The following PPEF2 variants were observed in gnomAD, a reference collection of about 807,000 sequenced individuals.
PPEF2 encodes serine/threonine-protein phosphatase with EF-hands 2.
PPEF2 carries 84 observed loss-of-function variants against 84.7 expected under a neutral mutation model. That is an observed-to-expected ratio of 0.99 (90% CI 0.83 to 1.19). The LOEUF is 1.19. PPEF2 is among the 50% of genes most tolerant of loss of function. PPEF2 has a pLI of 0.00. For synonymous variants in PPEF2, 346 were observed against 345.2 expected (o/e 1.00, Z -0.03); for missense variants, 924 against 937.5 (o/e 0.99, Z 0.19).
At chr4:75,874,971 G>A (rs541291518) in intron 11 of PPEF2, among the ~76,000 whole-genome samples, 2 of 149,038 alleles carry the variant, frequency 1.3e-5, no homozygotes, top group Non-Finnish European at 1.5e-5. Flanking sequence ...GCACGATCTC[G>A]GCTCACTGCA....
chr4:75,873,129 T>C lies in PPEF2; in HGVS notation c.1504A>G (p.Lys502Glu), dbSNP rs1412457687. ...ACTGCTGCAGAGGGAGCACCCACCT[T>C]GCGGTTGTGACAGAATTCATAGCCT... is the stretch of plus-strand genomic sequence containing the variant. ...PEGYEFCHNRKVLTIFSASNY... is the reference protein window; with the variant it reads ...PEGYEFCHNREVLTIFSASNY... Residue 502 changes from lysine to glutamate, a missense_variant and splice_region_variant, in exon 12 of 17, where the codon AAG (lysine) becomes GAG (glutamate). Physicochemically the swap from Lys to Glu is moderately conservative, Grantham distance 56. Transcript: ENST00000286719. 6.2e-7 allele frequency: 1 copy of C among 1,612,890 alleles called. No individual in the cohort carries two copies.
chr4:75,873,165 A>G lies in PPEF2; in HGVS notation c.1468T>C (p.Cys490Arg). ...CAGAATTCATAGCCTTCAGGTTTGC[A>G]TTCATGTGAACGGATCAGGAATTGC... ...NMQFLIRSHE[C>R]KPEGYEFCHN... Residue 490 changes from cysteine to arginine, a missense_variant, in exon 12 of 17, where the codon TGC (cysteine) becomes CGC (arginine). Cys to Arg is a radical substitution (Grantham distance 180). Coordinates refer to ENST00000286719, the MANE Select transcript of PPEF2 (RefSeq NM_006239.3). 6.2e-7 allele frequency: 1 copy of G among 1,614,172 alleles called. No individual in the cohort carries two copies. Among genetic ancestry groups the G allele is most frequent in the Non-Finnish European group, 8.5e-7 (1 of 1,180,020 alleles).
At chr4:75,878,903 G>A (rs7669428) in intron 10 of PPEF2, among the ~76,000 whole-genome samples, 18,090 of 152,102 alleles carry the variant, frequency 0.12, 3,253 homozygotes, top group African/African-American at 0.39. Context: ...ACTCAAACTC[G>A]TGTTCTTAAT....
chr4:75,876,777 C>T (rs1420251123), intron 10 of PPEF2, 104 bp from the exon 11 acceptor site: 8 of 1,261,258 alleles, frequency 6.3e-6, no homozygotes, highest in Non-Finnish European at 7.4e-6. Context: ...AGACTGAGCC[C>T]AGCAGAACAC....
chr4:75,891,188 AAAAAGAAAAG>A lies in PPEF2; in HGVS notation c.241+450_241+459del, dbSNP rs535616291. ...AGAACGAGACTCTGTCTCAAAAAAA[AAAAAGAAAAG>A]AAAAGAAAAGAAAAAGCCTCCTTCC... On this transcript the variant is annotated intron_variant, in intron 4 of 16. Transcript: ENST00000286719. Among the ~76,000 whole-genome samples the A allele has an allele frequency of 5.3e-3, 809 of 151,484 alleles. 5 individuals carry two copies. Among genetic ancestry groups the A allele is most frequent in the Middle Eastern group, 0.014 (4 of 294 alleles).
chr4:75,888,279 T>G lies in PPEF2; in HGVS notation c.467A>C (p.His156Pro), dbSNP rs766478534. The G allele has an allele frequency of 3.1e-6, 5 of 1,614,066 alleles. No individual in the cohort carries two copies. Among genetic ancestry groups the G allele is most frequent in the Admixed American group, 3.3e-5 (2 of 60,002 alleles). The change falls in exon 6 of 17, where the codon CAT becomes CCT. Residue 156 changes from histidine (H) to proline (P), a missense_variant. Coordinates refer to ENST00000286719, the MANE Select transcript of PPEF2 (RefSeq NM_006239.3). ...VLNLLYETKK[H>P]LVQLPNINRV... is the part of the protein sequence containing the mutation. ...GTTGATGTTTGGCAGCTGTACCAGA[T>G]GTTTCTTGGTTTCATACAAAAGGTT...
intron 5 of PPEF2, among the ~76,000 whole-genome samples, chr4:75,888,536 CT>C (rs544410444): frequency 5.5e-4 from 84 of 152,306 alleles, no homozygotes; most frequent in Non-Finnish European, 5.1e-4. Context: ...CTTGCCCCCC[CT>C]GCAAATATTG....
chr4:75,867,388 C>A lies in PPEF2; in HGVS notation c.1681G>T (p.Ala561Ser), dbSNP rs76575761. 4 of 1,613,886 alleles carry A rather than the reference C, an allele frequency of 2.5e-6. No homozygotes were observed. In the East Asian group the frequency reaches 6.7e-5, roughly 27 times the overall value. ...ISRVEESALR[A>S]LREKLFAHSS... The stretch of plus-strand genomic sequence containing the variant: ...TGAGCAAACAGCTTCTCCCTCAGAG[C>A]TCTCAGAGCCGACTCCTCCACTCTG... The change falls in exon 14 of 17, where the codon GCT (alanine) becomes TCT (serine). Residue 561 changes from alanine (A) to serine (S), a missense_variant. Physicochemically the swap from Ala to Ser is moderately conservative, Grantham distance 99 (BLOSUM62 1). Transcript: ENST00000286719.
chr4:75,860,805 T>C lies in PPEF2; in HGVS notation c.2124A>G (p.Lys708=). 1.2e-6 allele frequency: 2 copies of C among 1,614,282 alleles called. No homozygotes were observed. Among genetic ancestry groups the C allele is most frequent in the Non-Finnish European group, 1.7e-6 (2 of 1,180,056 alleles). Residue 708 remains lysine (K), a synonymous_variant, in exon 17 of 17, where the codon AAA becomes AAG. Coordinates refer to ENST00000286719, the MANE Select transcript of PPEF2 (RefSeq NM_006239.3). ...CDLARSIDFN[K]DGHIDINEFL... Reference sequence around the variant, plus strand: ...ACTCATTGATATCAATGTGGCCATCTTTGTTGAAATCAATGCTCCGAGCAA... The same window carrying C: ...ACTCATTGATATCAATGTGGCCATCCTTGTTGAAATCAATGCTCCGAGCAA...
At position 75,883,218 on chromosome 4, in the gene PPEF2, C is replaced by G; in HGVS notation, c.747-16G>C. ...GAAGCCATATCTAGATTTAGAAGCA[C>G]AAATAGATATTAGAGTAAACTGGGT... On this transcript the variant is annotated splice_polypyrimidine_tract_variant and intron_variant, in intron 8 of 16. Coordinates refer to ENST00000286719, the MANE Select transcript of PPEF2 (RefSeq NM_006239.3). 1 of 1,608,590 alleles carries G rather than the reference C, an allele frequency of 6.2e-7. No individual in the cohort carries two copies. Among genetic ancestry groups the G allele is most frequent in the Non-Finnish European group, 8.5e-7 (1 of 1,175,872 alleles).
rs34107348 is a variant in PPEF2, at chr4:75,890,096, A to C, written c.278T>G (p.Phe93Cys). Residue 93 changes from phenylalanine to cysteine, a missense_variant, in exon 5 of 17, where the codon TTC becomes TGC. Phe to Cys is a radical substitution (Grantham distance 205). Transcript: ENST00000286719. ...TTTCTTCATCTCGGAGTCCTGGGCG[A>C]ATCTGTCCTCAGTGAATATGCGGGT... ...FLTRIFTEDRFAQDSEMKKCS... is the reference protein window; with the variant it reads ...FLTRIFTEDRCAQDSEMKKCS... The C allele has an allele frequency of 4.2e-4, 677 of 1,614,032 alleles. 3 individuals are homozygous for C. The African/African-American group carries it at 7.9e-3, about 19-fold the overall frequency.
rs1369929750 is a variant in PPEF2, at chr4:75,873,142, G to T, written c.1491C>A (p.Phe497Leu). 2 of 1,613,886 alleles carry T rather than the reference G, an allele frequency of 1.2e-6. No homozygotes were observed. The highest frequency in any genetic ancestry group is 1.1e-5 in the South Asian group (1 of 91,024). The change falls in exon 12 of 17, where the codon TTC (phenylalanine) becomes TTA (leucine). Residue 497 changes from phenylalanine (F) to leucine (L), a missense_variant. By Grantham distance (22) the Phe-to-Leu change is conservative (BLOSUM62 0). Transcript: ENST00000286719. ...SHECKPEGYE[F>L]CHNRKVLTIF... is the part of the protein sequence containing the mutation. Reference sequence around the variant, plus strand: ...GAGCACCCACCTTGCGGTTGTGACAGAATTCATAGCCTTCAGGTTTGCATT... The same window carrying T: ...GAGCACCCACCTTGCGGTTGTGACATAATTCATAGCCTTCAGGTTTGCATT...
intron 11 of PPEF2, 131 bp downstream of exon 11, chr4:75,876,156 T>G: frequency 8.8e-7 from 1 of 1,132,900 alleles, no homozygotes; most frequent in Non-Finnish European, 1.2e-6. Flanking sequence ...CAAATACTAG[T>G]GTCCTTCTGG....
intron 13 of PPEF2, among the ~76,000 whole-genome samples, chr4:75,869,606 G>A (rs1449920550): frequency 6.6e-6 from 1 of 152,198 alleles, no homozygotes; most frequent in Non-Finnish European, 1.5e-5. Context: ...TAGCACTTTG[G>A]GAGGCCAAGG....
intron 11 of PPEF2, among the ~76,000 whole-genome samples, chr4:75,873,809 T>G (rs746386451): frequency 6.6e-6 from 1 of 151,938 alleles, no homozygotes; most frequent in Non-Finnish European, 1.5e-5. Flanking sequence ...TTTTTTTTTT[T>G]ACAAATTGCA....
At chr4:75,886,795 T>G in intron 7 of PPEF2, 57 bp downstream of exon 7, 1 of 1,026,306 alleles carries the variant, frequency 9.7e-7, no homozygotes, top group African/African-American at 1.6e-5. Flanking sequence ...GATACTGAAT[T>G]TGAGCTTCTA....
chr4:75,879,953 C>A (rs554295129), intron 10 of PPEF2, among the ~76,000 whole-genome samples: 1 of 152,120 alleles, frequency 6.6e-6, no homozygotes, highest in African/African-American at 2.4e-5. Context: ...CTCAGCCTCC[C>A]GAGTAGCTGG....
chr4:75,875,347 G>A (rs763897459), intron 11 of PPEF2, among the ~76,000 whole-genome samples: 3 of 152,052 alleles, frequency 2.0e-5, no homozygotes, highest in Non-Finnish European at 4.4e-5. Context: ...AGTGGCTCAC[G>A]TCTGTAATCC....
rs1276818042 is a variant in PPEF2, at chr4:75,884,745, G to A, written c.595C>T (p.Pro199Ser). 6.3e-7 allele frequency: 1 copy of A among 1,591,274 alleles called. No individual in the cohort carries two copies. Among genetic ancestry groups the A allele is most frequent in the East Asian group, 2.2e-5 (1 of 44,672 alleles). The change falls in exon 8 of 17, where the codon CCA becomes TCA. Residue 199 changes from proline (P) to serine (S), a missense_variant. Physicochemically the swap from Pro to Ser is moderately conservative, Grantham distance 74. Transcript: ENST00000286719. Reference protein sequence around the residue: ...FIFYKNGLPSPERSYVFNGDF... With the variant: ...FIFYKNGLPSSERSYVFNGDF... ...CCGTTGAACACATATGACCGTTCTG[G>A]CGACGGGAGGCCATTCTTTTCAACA...
Sources: allele counts gnomAD v4.1 joint callset (sites outside exome capture counted in the v4.1 genomes callset), GRCh38; gene constraint gnomAD v4.1.1; transcripts MANE v1.5; gene names NCBI Gene and HGNC (gene_info 2026-07-23, HGNC 2026-07-21).